TEKT5: variants seen among roughly 807,000 people sequenced by gnomAD.
TEKT5 encodes tektin-5.
In TEKT5, 52 loss-of-function variants were observed where a neutral mutation model predicts 48.7. The ratio of observed to expected loss-of-function variants is 1.07; its 90% CI spans 0.86 to 1.35. TEKT5 has a LOEUF of 1.35. Among genes scored for constraint, TEKT5 ranks in the 40% most tolerant of loss-of-function variants. TEKT5 has a pLI of 0.00. For synonymous variants in TEKT5, 318 were observed against 267.6 expected (o/e 1.19, Z -1.84); for missense variants, 831 against 641.6 (o/e 1.30, Z -3.19).
intron 5 of TEKT5, among the ~76,000 whole-genome samples, chr16:10,667,998 C>A (rs1023729275): frequency 3.3e-5 from 5 of 152,084 alleles, no homozygotes; most frequent in Non-Finnish European, 5.9e-5. Context: ...CTGCCTCAGC[C>A]TCCCAAGTAG....
At chr16:10,689,410 C>T in intron 2 of TEKT5, 87 bp from the exon 3 acceptor site, 1 of 1,196,032 alleles carries the variant, frequency 8.4e-7, no homozygotes, top group Non-Finnish European at 1.2e-6. Context: ...TCTCCCCTCC[C>T]CTCTCACTGA....
At chr16:10,628,870 C>T (rs1426615120) in intron 6 of TEKT5, among the ~76,000 whole-genome samples, 1 of 146,884 alleles carries the variant, frequency 6.8e-6, no homozygotes, top group Non-Finnish European at 1.5e-5. Context: ...CACATCATTG[C>T]ACTCCAGCCT....
At chr16:10,646,859 G>C (rs970607018) in intron 5 of TEKT5, among the ~76,000 whole-genome samples, 1 of 152,172 alleles carries the variant, frequency 6.6e-6, no homozygotes, top group Non-Finnish European at 1.5e-5. Flanking sequence ...TATCCCATAA[G>C]AATGTTCTGT....
chr16:10,642,745 ACAC>A (rs1279242355), intron 5 of TEKT5, among the ~76,000 whole-genome samples: 3 of 152,174 alleles, frequency 2.0e-5, no homozygotes, highest in Non-Finnish European at 2.9e-5. Context: ...AGAAAGTTAA[ACAC>A]CACATGCTCT....
At chr16:10,641,705 C>T (rs773195262) in intron 5 of TEKT5, among the ~76,000 whole-genome samples, 47 of 152,230 alleles carry the variant, frequency 3.1e-4, no homozygotes, top group South Asian at 4.2e-4. Context: ...GCCTGTAGTC[C>T]CAGCTACAAG....
At chr16:10,662,301 T>C (rs752845455) in intron 5 of TEKT5, among the ~76,000 whole-genome samples, 3 of 152,222 alleles carry the variant, frequency 2.0e-5, no homozygotes, top group Non-Finnish European at 4.4e-5. Flanking sequence ...ACTGCTGCTT[T>C]AGATGTTGAC....
At chr16:10,674,630 A>AC (rs910338017) in intron 5 of TEKT5, among the ~76,000 whole-genome samples, 15 of 150,932 alleles carry the variant, frequency 9.9e-5, no homozygotes, top group African/African-American at 2.9e-4. Flanking sequence ...AAAAAAAAAA[A>AC]AAAAAAAAAA....
At chr16:10,627,918 C>T (rs1028390053) in intron 6 of TEKT5, 119 bp from the exon 7 acceptor site, 9 of 861,458 alleles carry the variant, frequency 1.0e-5, no homozygotes, top group African/African-American at 1.7e-5. Flanking sequence ...TCTCGGCTCA[C>T]TGCAACCTCT....
intron 5 of TEKT5, among the ~76,000 whole-genome samples, chr16:10,636,136 A>T (rs1361580637): frequency 6.6e-6 from 1 of 152,080 alleles, no homozygotes; most frequent in African/African-American, 2.4e-5. Context: ...GCACTTTGGG[A>T]GGCCGAGATG....
At chr16:10,643,871 T>C (rs758081795) in intron 5 of TEKT5, among the ~76,000 whole-genome samples, 1 of 151,994 alleles carries the variant, frequency 6.6e-6, no homozygotes, top group Non-Finnish European at 1.5e-5. Flanking sequence ...GACCCCCGTC[T>C]CTACTAAAAA....
chr16:10,648,323 C>CTT (rs1157691567), intron 5 of TEKT5, among the ~76,000 whole-genome samples: 1 of 150,860 alleles, frequency 6.6e-6, no homozygotes, highest in Non-Finnish European at 1.5e-5. Context: ...TTTTATTTAT[C>CTT]ATTTTTTTTT....
chr16:10,637,181 T>A (rs1897926984), intron 5 of TEKT5, among the ~76,000 whole-genome samples: 1 of 151,854 alleles, frequency 6.6e-6, no homozygotes. Flanking sequence ...AGACGGGGTT[T>A]CACCGTGTTA....
chr16:10,633,336 G>A (rs1376527481), intron 6 of TEKT5, among the ~76,000 whole-genome samples: 1 of 152,074 alleles, frequency 6.6e-6, no homozygotes, highest in Non-Finnish European at 1.5e-5. Context: ...ACTCCAGCCT[G>A]GGCAACAGAG....
At chr16:10,642,851 G>A (rs7199807) in intron 5 of TEKT5, among the ~76,000 whole-genome samples, 2,070 of 152,170 alleles carry the variant, frequency 0.014, 53 homozygotes, top group African/African-American at 0.047. Context: ...GAAAGGGTGG[G>A]GGATAGAGAG....
At chr16:10,683,445 G>A (rs1280673034) in intron 3 of TEKT5, among the ~76,000 whole-genome samples, 3 of 152,222 alleles carry the variant, frequency 2.0e-5, no homozygotes, top group East Asian at 1.9e-4. Flanking sequence ...GCTTAAGCCA[G>A]GAGGGCTGGT....
chr16:10,681,889 C>T lies in TEKT5; in HGVS notation c.863+104G>A, dbSNP rs1478928202. 3.4e-6 allele frequency: 5 copies of T among 1,449,738 alleles called. No homozygotes were observed. In the East Asian group the frequency reaches 6.9e-5, roughly 20 times the overall value. The allele number at this position is 1,449,738 out of a possible 1,614,324, so 89.8% of individuals were successfully genotyped here. A position where few individuals can be genotyped will look rare whatever the true frequency, so the allele number is the denominator to read the frequency against. On this transcript the variant is annotated intron_variant, in intron 4 of 6. Coordinates refer to ENST00000283025, the MANE Select transcript of TEKT5 (RefSeq NM_144674.2). The stretch of plus-strand genomic sequence containing the variant: ...ATCCCCGTTCAACCATGCCACTTCC[C>T]ACTTAACTGGTGCACGATGCCCCTT...
chr16:10,660,294 C>T (rs1010872128), intron 5 of TEKT5, among the ~76,000 whole-genome samples: 1 of 152,192 alleles, frequency 6.6e-6, no homozygotes, highest in African/African-American at 2.4e-5. Flanking sequence ...AGAGCCTGCC[C>T]AAGGCAGGTG....
intron 5 of TEKT5, among the ~76,000 whole-genome samples, chr16:10,654,880 T>C (rs1313730796): frequency 4.7e-5 from 7 of 150,260 alleles, no homozygotes; most frequent in African/African-American, 1.7e-4. Flanking sequence ...AGTGTGTAAA[T>C]TGCTTATTCC....
In TEKT5 at chr16:10,660,321, G is replaced by A. The variant is rs142116462; in HGVS notation, c.1086+15638C>T. Reference sequence around the variant, plus strand: ...AGGCAGGTGGCAGGTGGCTCTTTGGGCCACATGCCCCCACCTTTGGCTGAC... The same window carrying A: ...AGGCAGGTGGCAGGTGGCTCTTTGGACCACATGCCCCCACCTTTGGCTGAC... On this transcript the variant is annotated intron_variant, in intron 5 of 6. Coordinates refer to ENST00000283025, the MANE Select transcript of TEKT5 (RefSeq NM_144674.2). 2.7e-3 allele frequency among the ~76,000 whole-genome samples: 411 copies of A among 152,324 alleles called. 2 individuals are homozygous for A. Among genetic ancestry groups the A allele is most frequent in the African/African-American group, 9.4e-3 (389 of 41,562 alleles).
Sources: allele counts gnomAD v4.1 joint callset (sites outside exome capture counted in the v4.1 genomes callset), GRCh38; gene constraint gnomAD v4.1.1; transcripts MANE v1.5; gene names NCBI Gene and HGNC (gene_info 2026-07-23, HGNC 2026-07-21).